Variants in PHKB observed in about 807,000 individuals in gnomAD.
The protein encoded by PHKB is phosphorylase b kinase regulatory subunit beta.
A neutral mutation model predicts 152.1 loss-of-function variants in PHKB; 122 were observed. The ratio of observed to expected loss-of-function variants is 0.80; its 90% CI spans 0.69 to 0.93. The LOEUF is 0.93. Among genes scored for constraint, PHKB ranks in the 40% least tolerant of loss-of-function variants. The pLI is 0.00. For synonymous variants in PHKB, 436 were observed against 464.9 expected (o/e 0.94, Z 0.80); for missense variants, 1,304 against 1,328.4 (o/e 0.98, Z 0.29).
intron 14 of PHKB, among the ~76,000 whole-genome samples, chr16:47,617,283 CA>C (rs1418489719): frequency 6.1e-5 from 9 of 148,128 alleles, no homozygotes; most frequent in Admixed American, 4.7e-4. Flanking sequence ...TATATATTTA[CA>C]TATAAAACGA....
intron 20 of PHKB, among the ~76,000 whole-genome samples, chr16:47,656,030 T>A (rs1214025965): frequency 6.6e-6 from 1 of 151,882 alleles, no homozygotes; most frequent in Non-Finnish European, 1.5e-5. Flanking sequence ...TTTTTTTTTT[T>A]AATTGAGACT....
At chr16:47,576,305 A>G (rs555833964) in intron 7 of PHKB, among the ~76,000 whole-genome samples, 1 of 152,360 alleles carries the variant, frequency 6.6e-6, no homozygotes, top group Non-Finnish European at 1.5e-5. Context: ...ATCAATTGAT[A>G]TGACCATGTT....
At chr16:47,535,149 CAG>C (rs1454647718) in intron 6 of PHKB, among the ~76,000 whole-genome samples, 2 of 152,154 alleles carry the variant, frequency 1.3e-5, no homozygotes, top group Non-Finnish European at 2.9e-5. Context: ...GTACAAGACA[CAG>C]GGGAGAAGAC....
rs200655920 is a variant in PHKB, at chr16:47,495,190, CT to C, written c.77-2194del. Among the ~76,000 whole-genome samples, 901 of 137,246 alleles carry C rather than the reference CT, an allele frequency of 6.6e-3. 5 individuals are homozygous for C. The highest frequency in any genetic ancestry group is 0.015 in the African/African-American group (554 of 37,646). 90.0% of individuals were successfully genotyped at this position (137,246 alleles called of 152,430 possible). ...TTTATTGTTGCCTCTAACAGAACTCCTTTTTTTTTTTTTTTAAGAAAAATTA... is the reference window on the plus strand; with the variant it reads ...TTTATTGTTGCCTCTAACAGAACTCCTTTTTTTTTTTTTTAAGAAAAATTA... On this transcript the variant is annotated intron_variant, in intron 1 of 30. Coordinates refer to ENST00000323584, the MANE Select transcript of PHKB (RefSeq NM_000293.3).
At chr16:47,516,884 T>C (rs1970607150) in intron 6 of PHKB, among the ~76,000 whole-genome samples, 1 of 152,202 alleles carries the variant, frequency 6.6e-6, no homozygotes, top group South Asian at 2.1e-4. Flanking sequence ...TAATTGTTAG[T>C]GTTTATAATA....
chr16:47,473,803 C>CA (rs1281817685), intron 1 of PHKB, among the ~76,000 whole-genome samples: 2 of 152,122 alleles, frequency 1.3e-5, no homozygotes, highest in African/African-American at 4.8e-5. Context: ...TATATGCTTA[C>CA]AGTGTTGGAT....
At chr16:47,491,853 G>C (rs555716343) in intron 1 of PHKB, among the ~76,000 whole-genome samples, 1 of 152,108 alleles carries the variant, frequency 6.6e-6, no homozygotes, top group Admixed American at 6.6e-5. Context: ...CTGGCGCCCC[G>C]TGTTTTTCCC....
chr16:47,486,308 G>T (rs1424422147), intron 1 of PHKB, among the ~76,000 whole-genome samples: 1 of 152,144 alleles, frequency 6.6e-6, no homozygotes, highest in African/African-American at 2.4e-5. Flanking sequence ...CAGCATTAGA[G>T]ATCCAAAGTT....
chr16:47,605,177 A>G (rs1481038993), intron 13 of PHKB, among the ~76,000 whole-genome samples: 1 of 152,174 alleles, frequency 6.6e-6, no homozygotes, highest in Non-Finnish European at 1.5e-5. Flanking sequence ...TAACCGACTA[A>G]TTTATTATTC....
At chr16:47,610,159 A>ATTTTTTTTTT (rs371224839) in intron 13 of PHKB, among the ~76,000 whole-genome samples, 4,169 of 98,760 alleles carry the variant, frequency 0.042, no homozygotes, top group Non-Finnish European at 0.049. Flanking sequence ...TGCCCAGCTA[A>ATTTTTTTTTT]TTTTTTTTTT....
intron 4 of PHKB, among the ~76,000 whole-genome samples, chr16:47,509,954 C>T (rs1395640469): frequency 1.3e-5 from 2 of 152,214 alleles, no homozygotes; most frequent in Non-Finnish European, 2.9e-5. Flanking sequence ...CCAGGCTACC[C>T]ACAATTCTCT....
chr16:47,524,000 C>T (rs938708344), intron 6 of PHKB, among the ~76,000 whole-genome samples: 17 of 152,076 alleles, frequency 1.1e-4, no homozygotes, highest in Non-Finnish European at 2.5e-4. Flanking sequence ...TATAAACCTA[C>T]TACAGAGTTG....
chr16:47,528,830 G>A (rs962969216), intron 6 of PHKB, among the ~76,000 whole-genome samples: 1 of 151,502 alleles, frequency 6.6e-6, no homozygotes, highest in African/African-American at 2.4e-5. Context: ...CCAAGTAACT[G>A]GGATTACAGG....
At chr16:47,498,608 G>A (rs556121359) in intron 2 of PHKB, among the ~76,000 whole-genome samples, 2 of 152,154 alleles carry the variant, frequency 1.3e-5, no homozygotes, top group African/African-American at 4.8e-5. Context: ...ATCCTAAAAA[G>A]TAGATAACAT....
chr16:47,684,488 C>T (rs530585548), intron 26 of PHKB, among the ~76,000 whole-genome samples: 6 of 152,136 alleles, frequency 3.9e-5, no homozygotes, highest in African/African-American at 9.6e-5. Context: ...GTTTTTAAGC[C>T]GGGCGCGGTG....
At chr16:47,551,963 T>C (rs139663702) in intron 7 of PHKB, among the ~76,000 whole-genome samples, 1,935 of 152,332 alleles carry the variant, frequency 0.013, 20 homozygotes, top group Non-Finnish European at 0.022. Context: ...TTTACCATTA[T>C]GTAATGGCCT....
chr16:47,468,611 C>A (rs1969710862), intron 1 of PHKB, among the ~76,000 whole-genome samples: 1 of 152,208 alleles, frequency 6.6e-6, no homozygotes, highest in Non-Finnish European at 1.5e-5. Flanking sequence ...TGAGATCGTG[C>A]CATTGCACTC....
At chr16:47,687,424 G>C (rs1256075432) in intron 26 of PHKB, among the ~76,000 whole-genome samples, 1 of 152,176 alleles carries the variant, frequency 6.6e-6, no homozygotes, top group African/African-American at 2.4e-5. Context: ...TGAGGACGAT[G>C]TAAAGAAAGC....
At chr16:47,657,510 C>T (rs890798661) in intron 20 of PHKB, among the ~76,000 whole-genome samples, 1 of 152,138 alleles carries the variant, frequency 6.6e-6, no homozygotes, top group Non-Finnish European at 1.5e-5. Context: ...TTGACACATA[C>T]AGTATTATTT....
Sources: gnomAD v4.1 joint callset for allele counts (sites outside exome capture counted in the v4.1 genomes callset) on GRCh38, gnomAD v4.1.1 for gene constraint, MANE v1.5 for transcripts, NCBI Gene and HGNC (gene_info 2026-07-23, HGNC 2026-07-21) for gene names.